The following LARGE1 variants were observed in gnomAD, a reference collection of about 807,000 sequenced individuals.
LARGE1 encodes xylosyl- and glucuronyltransferase LARGE1.
Under a neutral mutation model 87.6 loss-of-function variants are expected in LARGE1, and 43 were observed. That is an observed-to-expected ratio of 0.49 (90% CI 0.38 to 0.63). The LOEUF is 0.63. Among genes scored for constraint, LARGE1 ranks in the 30% least tolerant of loss-of-function variants. The pLI is 0.00. For synonymous variants in LARGE1, 434 were observed against 394.6 expected, an observed-to-expected ratio of 1.10 and a Z score of -1.18; for missense variants, 802 against 1,000.2, an observed-to-expected ratio of 0.80 and a Z score of 2.67.
chr22:33,326,837 C>A (rs1162110511), intron 10 of LARGE1, among the ~76,000 whole-genome samples: 1 of 152,150 alleles, frequency 6.6e-6, no homozygotes, highest in Non-Finnish European at 1.5e-5. Flanking sequence ...TGAACAGGAT[C>A]AAAGCAGCCA....
intron 5 of LARGE1, among the ~76,000 whole-genome samples, chr22:33,598,848 CTTT>C (rs1569301919): frequency 6.6e-6 from 1 of 152,134 alleles, no homozygotes; most frequent in Non-Finnish European, 1.5e-5. Context: ...GTGCATGTGT[CTTT>C]ATAGTAGAAT....
At chr22:33,195,198 TATA>T (rs979249152) in intron 11 of LARGE1, among the ~76,000 whole-genome samples, 5 of 152,124 alleles carry the variant, frequency 3.3e-5, no homozygotes, top group Non-Finnish European at 4.4e-5. Context: ...TGCTCTTAAA[TATA>T]ATAACTATAT....
At chr22:33,660,198 A>T (rs985171005) in intron 2 of LARGE1, among the ~76,000 whole-genome samples, 2 of 150,670 alleles carry the variant, frequency 1.3e-5, no homozygotes, top group South Asian at 2.1e-4. Context: ...CTGCTTCTAT[A>T]ACTGGCCCGT....
At chr22:33,232,998 C>T (rs1429875969) in intron 11 of LARGE1, among the ~76,000 whole-genome samples, 2 of 152,144 alleles carry the variant, frequency 1.3e-5, no homozygotes, top group South Asian at 2.1e-4. Context: ...GGGGGATTCC[C>T]GAACCCTGGA....
intron 6 of LARGE1, among the ~76,000 whole-genome samples, chr22:33,511,798 T>C (rs571074866): frequency 1.1e-4 from 16 of 152,326 alleles, no homozygotes; most frequent in African/African-American, 3.8e-4. Flanking sequence ...CGAAACGAAA[T>C]GTCATTTTTC....
intron 1 of LARGE1, among the ~76,000 whole-genome samples, chr22:33,834,693 G>A (rs183019241): frequency 3.3e-5 from 5 of 152,292 alleles, no homozygotes; most frequent in Admixed American, 2.0e-4. Context: ...AAGTACCTTC[G>A]GCAATAACTG....
chr22:33,265,012 T>A (rs1485318385), intron 11 of LARGE1, among the ~76,000 whole-genome samples: 2 of 147,354 alleles, frequency 1.4e-5, no homozygotes, highest in Admixed American at 1.4e-4. Flanking sequence ...GTGATTCTCC[T>A]GCTTCAGCCT....
intron 11 of LARGE1, among the ~76,000 whole-genome samples, chr22:33,194,925 A>T (rs558456032): frequency 6.6e-6 from 1 of 152,244 alleles, no homozygotes; most frequent in South Asian, 2.1e-4. Flanking sequence ...CTATTCCCCA[A>T]ATCTCTAGAC....
chr22:33,422,712 T>C (rs1164347083), intron 7 of LARGE1, among the ~76,000 whole-genome samples: 1 of 152,156 alleles, frequency 6.6e-6, no homozygotes, highest in African/African-American at 2.4e-5. Context: ...GGTTTCACCA[T>C]GTTGGCCAGG....
intron 11 of LARGE1, among the ~76,000 whole-genome samples, chr22:33,201,994 G>C (rs747157014): frequency 3.3e-5 from 5 of 152,104 alleles, no homozygotes. Flanking sequence ...AAATTAGCTG[G>C]GCGTGGTGGC....
chr22:33,292,329 T>G (rs1050241983), intron 12 of LARGE1, among the ~76,000 whole-genome samples: 12 of 151,588 alleles, frequency 7.9e-5, no homozygotes, highest in African/African-American at 2.9e-4. Flanking sequence ...AAAACAAAAT[T>G]AGAAAAATAA....
chr22:33,764,620 T>G (rs1308053883), intron 1 of LARGE1, among the ~76,000 whole-genome samples: 1 of 152,100 alleles, frequency 6.6e-6, no homozygotes, highest in East Asian at 1.9e-4. Context: ...TAGCTGGGTG[T>G]GGTGCCATGT....
intron 2 of LARGE1, among the ~76,000 whole-genome samples, chr22:33,711,021 C>T (rs1182130080): frequency 6.6e-6 from 1 of 152,158 alleles, no homozygotes; most frequent in Non-Finnish European, 1.5e-5. Flanking sequence ...TGTGCCCCTA[C>T]TGTGTACGAG....
At chr22:33,558,668 G>C (rs984698607) in intron 6 of LARGE1, among the ~76,000 whole-genome samples, 1 of 152,232 alleles carries the variant, frequency 6.6e-6, no homozygotes, top group African/African-American at 2.4e-5. Flanking sequence ...CAGGCAGGGC[G>C]GCAAGGTAAC....
chr22:33,250,263 T>C (rs1926952103), intron 11 of LARGE1, among the ~76,000 whole-genome samples: 1 of 152,208 alleles, frequency 6.6e-6, no homozygotes, highest in Non-Finnish European at 1.5e-5. Flanking sequence ...TACCTAAGTA[T>C]TTCATTTTAA....
At chr22:33,481,270 AGCACT>A (rs2069314790) in intron 6 of LARGE1, among the ~76,000 whole-genome samples, 1 of 150,362 alleles carries the variant, frequency 6.7e-6, no homozygotes, top group Non-Finnish European at 1.5e-5. Flanking sequence ...TTTTTTTTTA[AGCACT>A]GCCAGTGTTT....
At chr22:33,510,049 C>T (rs2070981292) in intron 6 of LARGE1, among the ~76,000 whole-genome samples, 1 of 152,174 alleles carries the variant, frequency 6.6e-6, no homozygotes, top group Non-Finnish European at 1.5e-5. Context: ...TATTCCAGCA[C>T]CTACCTAACA....
At chr22:33,554,662 C>G (rs966020604) in intron 6 of LARGE1, among the ~76,000 whole-genome samples, 4 of 152,202 alleles carry the variant, frequency 2.6e-5, no homozygotes, top group African/African-American at 9.7e-5. Flanking sequence ...GCTGCCAACT[C>G]TTTTTGAAAG....
chr22:33,698,357 G>A (rs2082314439), intron 2 of LARGE1, among the ~76,000 whole-genome samples: 2 of 143,482 alleles, frequency 1.4e-5, no homozygotes, highest in Non-Finnish European at 3.0e-5. Flanking sequence ...CTGGAGTGCA[G>A]TGGTGTGATC....
Sources: gnomAD v4.1 joint callset for allele counts (sites outside exome capture counted in the v4.1 genomes callset) on GRCh38, gnomAD v4.1.1 for gene constraint, MANE v1.5 for transcripts, NCBI Gene and HGNC (gene_info 2026-07-23, HGNC 2026-07-21) for gene names.